The following HIVEP3 variants were observed in gnomAD, a reference collection of about 807,000 sequenced individuals.
HIVEP3 encodes the protein HIVEP zinc finger 3.
A neutral mutation model predicts 152.8 loss-of-function variants in HIVEP3; 49 were observed. The ratio of observed to expected loss-of-function variants is 0.32; its 90% CI spans 0.26 to 0.41. HIVEP3 has a LOEUF of 0.41. HIVEP3 is among the 10% of genes least tolerant of loss of function. The pLI is 1.00. For missense variants in HIVEP3, 2,790 were observed against 3,103.3 expected (o/e 0.90, Z 2.40); for synonymous variants, 1,269 against 1,289.0 (o/e 0.98, Z 0.33).
intron 4 of HIVEP3, among the ~76,000 whole-genome samples, chr1:41,575,985 CTGGGAACTCCT>C (rs1644322170): frequency 1.3e-5 from 2 of 152,206 alleles, no homozygotes; most frequent in Non-Finnish European, 2.9e-5. Context: ...TTACACTAGT[CTGGGAACTCCT>C]GGGGACAGGT....
chr1:41,787,034 G>A (rs778569596), intron 1 of HIVEP3, among the ~76,000 whole-genome samples: 5 of 152,082 alleles, frequency 3.3e-5, no homozygotes, highest in African/African-American at 7.2e-5. Context: ...TGACAGGGGT[G>A]AGCTACCACA....
At chr1:41,780,397 A>G (rs1274275726) in intron 1 of HIVEP3, among the ~76,000 whole-genome samples, 1 of 152,242 alleles carries the variant, frequency 6.6e-6, no homozygotes, top group Non-Finnish European at 1.5e-5. Flanking sequence ...CCCATGGCCA[A>G]ATCCAGACAA....
chr1:41,959,533 AT>A (rs1283951034), intron 1 of HIVEP3, among the ~76,000 whole-genome samples: 1 of 152,228 alleles, frequency 6.6e-6, no homozygotes, highest in East Asian at 1.9e-4. Context: ...CTGATCGAGC[AT>A]TGGAACAACC....
rs147916367 is a variant in HIVEP3 at position 41,599,099 on chromosome 1, G to A, written c.-521-13781C>T. ...CCCAAAGTGTTAGAATTACAAGTGT[G>A]AGCCACCACACCCAGTCTCAGTCAC... On this transcript the variant is annotated intron_variant, in intron 3 of 8. Transcript: ENST00000372583. Among the ~76,000 whole-genome samples, 373 of 152,270 alleles carry A rather than the reference G, an allele frequency of 2.4e-3. 1 individual carries two copies. Among genetic ancestry groups the A allele is most frequent in the Non-Finnish European group, 4.3e-3 (290 of 68,038 alleles).
intron 3 of HIVEP3, among the ~76,000 whole-genome samples, chr1:41,588,385 T>C (rs1406246777): frequency 6.6e-6 from 1 of 152,170 alleles, no homozygotes; most frequent in Non-Finnish European, 1.5e-5. Context: ...AAATGATCAA[T>C]CTGAGTGGGG....
intron 5 of HIVEP3, among the ~76,000 whole-genome samples, chr1:41,569,397 G>A (rs1644219514): frequency 6.6e-6 from 1 of 152,144 alleles, no homozygotes; most frequent in South Asian, 2.1e-4. Context: ...GTGGCTTACT[G>A]ACTTTATTTT....
intron 2 of HIVEP3, among the ~76,000 whole-genome samples, chr1:41,669,435 A>G (rs1176201945): frequency 6.6e-6 from 1 of 152,142 alleles, no homozygotes; most frequent in Non-Finnish European, 1.5e-5. Context: ...TTGGCCAAAC[A>G]TTGTTCCAGG....
At chr1:41,569,958 A>G (rs897957027) in intron 5 of HIVEP3, among the ~76,000 whole-genome samples, 28 of 152,384 alleles carry the variant, frequency 1.8e-4, no homozygotes, top group African/African-American at 6.7e-4. Flanking sequence ...CCTGAGACAC[A>G]GTTCTGCAGT....
At chr1:41,754,041 A>T (rs548089101) in intron 1 of HIVEP3, among the ~76,000 whole-genome samples, 4 of 152,306 alleles carry the variant, frequency 2.6e-5, no homozygotes, top group South Asian at 4.1e-4. Context: ...GCTGAGGAAG[A>T]CATTCTGGGC....
rs1022711694 is a variant in HIVEP3, at chr1:41,581,349, T to C, written c.3449A>G (p.His1150Arg). ...CTGTCCTGGCTCATGCTGCACGAGA[T>C]GCTGGAAGGAGAAAAGGGAGACTGG... ...PPPVSLFSFQ[H>R]LVQHEPGQSP... The change falls in exon 4 of 9, where the codon CAT becomes CGT. Residue 1150 changes from histidine (H) to arginine (R), a missense_variant. This residue lies in a region of HIVEP3 where 1,078 missense variants were observed against 1,165.3 expected (regional missense o/e 0.93). Coordinates refer to ENST00000372583, the MANE Select transcript of HIVEP3 (RefSeq NM_024503.5). This position sits in a 1 kb window ranked among gnomAD's most constrained non-coding sequence, Gnocchi z 4.5. 1.2e-6 allele frequency: 2 copies of C among 1,613,538 alleles called. No individual in the cohort carries two copies. The highest frequency in any genetic ancestry group is 1.7e-6 in the Non-Finnish European group (2 of 1,179,878).
intron 1 of HIVEP3, among the ~76,000 whole-genome samples, chr1:41,979,220 T>C (rs1020293602): frequency 1.3e-5 from 2 of 152,182 alleles, no homozygotes; most frequent in Admixed American, 1.3e-4. Flanking sequence ...ACCACTGTTA[T>C]CCACCCTCTG....
At position 41,665,588 on chromosome 1, in the gene HIVEP3, T is replaced by C. The variant is rs567505034; in HGVS notation, c.-721+35328A>G. Among the ~76,000 whole-genome samples, 12 of 147,592 alleles carry C rather than the reference T, an allele frequency of 8.1e-5. 1 individual carries two copies. The South Asian group carries it at 2.6e-3, about 32-fold the overall frequency. On this transcript the variant is annotated intron_variant, in intron 2 of 8. Coordinates refer to ENST00000372583, the MANE Select transcript of HIVEP3 (RefSeq NM_024503.5). ...TTGACAAGGTTGGAGAGGGGTGGAG[T>C]AGGGGCATACAAGATGGAAAGATAA...
At chr1:41,671,431 T>C (rs544360012) in intron 2 of HIVEP3, among the ~76,000 whole-genome samples, 1 of 152,250 alleles carries the variant, frequency 6.6e-6, no homozygotes, top group South Asian at 2.1e-4. Flanking sequence ...CGAATCCTGC[T>C]CTCGGGGGCA....
chr1:41,763,403 C>T (rs1261551272), intron 1 of HIVEP3, among the ~76,000 whole-genome samples: 8 of 152,186 alleles, frequency 5.3e-5, no homozygotes. Flanking sequence ...GCAGCAGCAG[C>T]CATCCAGGGA....
At chr1:41,955,964 C>T (rs574974360) in intron 1 of HIVEP3, among the ~76,000 whole-genome samples, 2 of 152,300 alleles carry the variant, frequency 1.3e-5, no homozygotes, top group South Asian at 2.1e-4. Context: ...GATAGAGAGG[C>T]GAGCTGGGAC....
At chr1:41,927,021 C>T (rs1644971747) in intron 1 of HIVEP3, among the ~76,000 whole-genome samples, 1 of 152,214 alleles carries the variant, frequency 6.6e-6, no homozygotes, top group Non-Finnish European at 1.5e-5. Context: ...ACTCAGCTTT[C>T]TGTCTCAGGC....
chr1:41,795,375 C>T (rs1649925981), intron 1 of HIVEP3, among the ~76,000 whole-genome samples: 1 of 152,162 alleles, frequency 6.6e-6, no homozygotes. Flanking sequence ...AAGTGAAATG[C>T]CCTTTTCTCC....
chr1:41,924,962 C>T (rs959454059), intron 1 of HIVEP3, among the ~76,000 whole-genome samples: 2 of 152,182 alleles, frequency 1.3e-5, no homozygotes, highest in Non-Finnish European at 2.9e-5. Context: ...CCTGGAGTCC[C>T]TTCCCTAACT....
chr1:41,952,521 G>A (rs1048697104), intron 1 of HIVEP3, among the ~76,000 whole-genome samples: 1 of 152,062 alleles, frequency 6.6e-6, no homozygotes, highest in Non-Finnish European at 1.5e-5. Context: ...GTTACTTCTG[G>A]TCCCTGATAA....
Sources: allele counts gnomAD v4.1 joint callset (sites outside exome capture counted in the v4.1 genomes callset), GRCh38; gene constraint gnomAD v4.1.1; regional missense constraint gnomAD v4.1.1; non-coding constraint Gnocchi (gnomAD v3.1); transcripts MANE v1.5; gene names NCBI Gene and HGNC (gene_info 2026-07-23, HGNC 2026-07-21).